The following KIF18A variants were observed in gnomAD, a reference collection of about 807,000 sequenced individuals.
KIF18A encodes kinesin family member 18A.
Under a neutral mutation model 103.3 loss-of-function variants are expected in KIF18A, and 67 were observed. That is an observed-to-expected ratio of 0.65 (90% CI 0.53 to 0.79). The LOEUF (loss-of-function observed/expected upper bound fraction) is 0.79. Among genes scored for constraint, KIF18A ranks in the 30% least tolerant of loss-of-function variants. KIF18A has a pLI of 0.00. For missense variants in KIF18A, 1,032 were observed against 1,062.5 expected, an observed-to-expected ratio of 0.97 and a Z score of 0.40; for synonymous variants, 367 against 355.5, an observed-to-expected ratio of 1.03 and a Z score of -0.36.
chr11:28,099,368 G>A (rs766540910), intron 1 of KIF18A, among the ~76,000 whole-genome samples: 2 of 152,000 alleles, frequency 1.3e-5, no homozygotes, highest in Non-Finnish European at 2.9e-5. Flanking sequence ...TGGTCAAAGG[G>A]TACAAAGTTT....
rs183125871 is a variant in KIF18A, at chr11:28,044,750, G to A, written c.1949-8086C>T. ...AAAATTAACTGTAAATGCATGCACTGAAATCATGGATTAGATGGAGAAGAA... is the reference window on the plus strand; with the variant it reads ...AAAATTAACTGTAAATGCATGCACTAAAATCATGGATTAGATGGAGAAGAA... On this transcript the variant is annotated intron_variant, in intron 13 of 16. Transcript: ENST00000263181. Among the ~76,000 whole-genome samples the A allele has an allele frequency of 2.8e-3, 427 of 151,676 alleles. 2 individuals are homozygous for A. Among genetic ancestry groups the A allele is most frequent in the Non-Finnish European group, 4.7e-3 (317 of 67,922 alleles).
At chr11:28,083,523 T>C (rs1187253704) in intron 7 of KIF18A, among the ~76,000 whole-genome samples, 2 of 152,150 alleles carry the variant, frequency 1.3e-5, no homozygotes, top group Non-Finnish European at 2.9e-5. Flanking sequence ...TTCTAAGTAA[T>C]GCAGAGATAG....
chr11:28,023,312 C>T (rs949117749), intron 16 of KIF18A, among the ~76,000 whole-genome samples: 2 of 152,126 alleles, frequency 1.3e-5, no homozygotes, highest in African/African-American at 2.4e-5. Flanking sequence ...AGACTGGAAT[C>T]TGTGTAGTAG....
intron 9 of KIF18A, among the ~76,000 whole-genome samples, 191 bp from the exon 10 acceptor site, chr11:28,077,360 T>G (rs751644352): frequency 6.6e-6 from 1 of 152,232 alleles, no homozygotes; most frequent in Non-Finnish European, 1.5e-5. Context: ...TTAACTTTAC[T>G]TATACTACAT....
intron 11 of KIF18A, among the ~76,000 whole-genome samples, chr11:28,068,815 C>T (rs1565082444): frequency 6.6e-6 from 1 of 152,130 alleles, no homozygotes; most frequent in Non-Finnish European, 1.5e-5. Context: ...TAGACTACTG[C>T]AACCTTGTAG....
At chr11:28,070,737 T>C (rs996750384) in intron 10 of KIF18A, among the ~76,000 whole-genome samples, 2 of 152,172 alleles carry the variant, frequency 1.3e-5, no homozygotes, top group Admixed American at 6.5e-5. Flanking sequence ...AGGATGAGAA[T>C]TGTGACAGAA....
In KIF18A at chr11:28,037,301, T is replaced by G. The variant is rs1055102062; in HGVS notation, c.1949-637A>C. Among the ~76,000 whole-genome samples, 8 of 151,564 alleles carry G rather than the reference T, an allele frequency of 5.3e-5. No individual in the cohort carries two copies. In the East Asian group the frequency reaches 1.6e-3, roughly 29 times the overall value. On this transcript the variant is annotated intron_variant, in intron 13 of 16. Coordinates refer to ENST00000263181, the MANE Select transcript of KIF18A (RefSeq NM_031217.4). The stretch of plus-strand genomic sequence containing the variant: ...AGTGTCAGGTATACAGAGTTGACCC[T>G]CAGTAGCTGCAGATTCTGCATCTGT...
At chr11:28,046,989 G>C (rs1237971569) in intron 13 of KIF18A, among the ~76,000 whole-genome samples, 2 of 148,940 alleles carry the variant, frequency 1.3e-5, no homozygotes, top group Admixed American at 6.7e-5. Context: ...GGGATGCAGA[G>C]GTTGCAGTGA....
chr11:28,040,513 G>A (rs1006729805), intron 13 of KIF18A, among the ~76,000 whole-genome samples: 6 of 151,750 alleles, frequency 4.0e-5, no homozygotes, highest in East Asian at 1.9e-4. Flanking sequence ...CCCATAAAAT[G>A]AGAAAATGAA....
intron 13 of KIF18A, among the ~76,000 whole-genome samples, chr11:28,037,450 G>A (rs1209605394): frequency 1.3e-5 from 2 of 151,466 alleles, no homozygotes; most frequent in Non-Finnish European, 1.5e-5. Context: ...GGTATTATAA[G>A]TAATCTAGAG....
chr11:28,071,803 G>C (rs1348930740), intron 10 of KIF18A, among the ~76,000 whole-genome samples: 2 of 152,148 alleles, frequency 1.3e-5, no homozygotes, highest in African/African-American at 4.8e-5. Context: ...TGGGTCTTCA[G>C]TTACTTCGTC....
intron 12 of KIF18A, 77 bp downstream of exon 12, chr11:28,062,318 T>C (rs1850865310): frequency 7.5e-7 from 1 of 1,338,932 alleles, no homozygotes; most frequent in Middle Eastern, 2.0e-4. Flanking sequence ...AACTCAACTT[T>C]CTGGCAGTGG....
intron 6 of KIF18A, among the ~76,000 whole-genome samples, chr11:28,087,592 C>T (rs1025494864): frequency 1.6e-4 from 24 of 151,984 alleles, no homozygotes; most frequent in Non-Finnish European, 2.2e-4. Context: ...ATTCTTTGGG[C>T]GTATATACCC....
In KIF18A at chr11:28,069,456, T is replaced by C. The variant is rs1850981931; in HGVS notation, c.1426-33A>G. ...ACGATTCATTTAACAGTAAATCTAATTTTTATGATATTTGATGTACATGAT... is the reference window on the plus strand; with the variant it reads ...ACGATTCATTTAACAGTAAATCTAACTTTTATGATATTTGATGTACATGAT... On this transcript the variant is annotated intron_variant, in intron 10 of 16. Transcript: ENST00000263181. 3.1e-6 allele frequency: 5 copies of C among 1,591,716 alleles called. No homozygotes were observed. In the South Asian group the frequency reaches 4.5e-5, roughly 14 times the overall value.
rs2133557888 is a variant in KIF18A, at chr11:28,088,651, A to G, written c.770T>C (p.Ile257Thr). Residue 257 changes from isoleucine to threonine, a missense_variant, in exon 6 of 17, where the codon ATT (isoleucine) becomes ACT (threonine). Ile to Thr is a moderately conservative substitution (Grantham distance 89). Coordinates refer to ENST00000263181, the MANE Select transcript of KIF18A (RefSeq NM_031217.4). ...TGCTCGCTCAGATCCTGCCAGGTCA[A>G]TGAGTGACATCTTGGCAATACGGAC... is the stretch of plus-strand genomic sequence containing the variant. ...QNVRIAKMSL[I>T]DLAGSERAST... 1.9e-6 allele frequency: 3 copies of G among 1,614,076 alleles called. No individual in the cohort carries two copies. The highest frequency in any genetic ancestry group is 2.5e-6 in the Non-Finnish European group (3 of 1,179,950).
intron 15 of KIF18A, among the ~76,000 whole-genome samples, chr11:28,032,348 A>G (rs909694441): frequency 2.5e-4 from 38 of 151,986 alleles, no homozygotes; most frequent in African/African-American, 9.2e-4. Flanking sequence ...GACACTCTTC[A>G]TAGAAATAGA....
At chr11:28,084,593 AC>A in intron 7 of KIF18A, 38 bp downstream of exon 7, 3 of 1,461,824 alleles carry the variant, frequency 2.1e-6, no homozygotes, top group Non-Finnish European at 2.8e-6. Context: ...TCATATGCAG[AC>A]AATACCTTCA....
At chr11:28,078,841 T>C (rs1050912410) in intron 9 of KIF18A, among the ~76,000 whole-genome samples, 2 of 152,020 alleles carry the variant, frequency 1.3e-5, no homozygotes, top group East Asian at 3.8e-4. Flanking sequence ...AAAAGACACT[T>C]TGAAAATTCA....
intron 13 of KIF18A, among the ~76,000 whole-genome samples, chr11:28,050,805 C>T (rs1374598483): frequency 5.3e-5 from 8 of 151,712 alleles, no homozygotes; most frequent in East Asian, 1.9e-4. Context: ...AAAATAGGTA[C>T]ATATTTTACT....
Sources: allele counts gnomAD v4.1 joint callset (sites outside exome capture counted in the v4.1 genomes callset), GRCh38; gene constraint gnomAD v4.1.1; transcripts MANE v1.5; gene names NCBI Gene and HGNC (gene_info 2026-07-23, HGNC 2026-07-21).